TENM1: variants seen among roughly 807,000 people sequenced by gnomAD.
TENM1 encodes teneurin-1.
In TENM1, 35 loss-of-function variants were observed where a neutral mutation model predicts 174.8. The observed-to-expected ratio is 0.20, with a 90% CI of 0.15 to 0.27. The LOEUF is 0.27. Ranked by LOEUF, TENM1 falls within the 10% of genes least tolerant of loss-of-function variation. TENM1 has a pLI of 1.00. For missense variants in TENM1, 1,633 were observed against 2,130.1 expected (o/e 0.77, Z 4.59); for synonymous variants, 781 against 798.7 (o/e 0.98, Z 0.37).
At chrX:124,547,873 G>C (rs2048466736) in intron 14 of TENM1, among the ~76,000 whole-genome samples, 1 of 112,193 alleles carries the variant, frequency 8.9e-6, no homozygotes, top group African/African-American at 3.2e-5. Context: ...GTCTCTCTCT[G>C]TCGCCCAGGC....
At chrX:124,734,295 C>CA (rs1339114774) in intron 4 of TENM1, among the ~76,000 whole-genome samples, 5 of 110,537 alleles carry the variant, frequency 4.5e-5, no homozygotes, top group Non-Finnish European at 9.5e-5. Flanking sequence ...ACTAAAAATA[C>CA]AAAAATTAGC....
chrX:125,042,326 C>A, the TENM1 span, among the ~76,000 whole-genome samples: 2 of 111,287 alleles, frequency 1.8e-5, no homozygotes, highest in Admixed American at 9.6e-5. Flanking sequence ...CTTTGAAGAG[C>A]TATTTTTCCT....
intron 14 of TENM1, among the ~76,000 whole-genome samples, chrX:124,560,881 G>T (rs941131609): frequency 1.8e-5 from 2 of 111,637 alleles, no homozygotes; most frequent in Non-Finnish European, 3.8e-5. Flanking sequence ...GTGAGGATTT[G>T]TTGTTTTAGG....
intron 11 of TENM1, among the ~76,000 whole-genome samples, chrX:124,627,983 G>A (rs1281238521): frequency 9.0e-6 from 1 of 111,065 alleles, no homozygotes; most frequent in Admixed American, 9.6e-5. Context: ...ATCATCTTGT[G>A]TAGAGCTCTG....
At chrX:124,574,344 C>T (rs1048023111) in intron 11 of TENM1, among the ~76,000 whole-genome samples, 2 of 111,199 alleles carry the variant, frequency 1.8e-5, no homozygotes, top group African/African-American at 6.5e-5. Flanking sequence ...ATTCTTGACC[C>T]CTCTGCCTTC....
At chrX:124,598,440 T>C (rs766885265) in intron 11 of TENM1, among the ~76,000 whole-genome samples, 1 of 111,859 alleles carries the variant, frequency 8.9e-6, no homozygotes, top group South Asian at 3.7e-4. Flanking sequence ...TGCACCCCTA[T>C]GTTTGTTGCA....
At chrX:125,065,008 G>A in the TENM1 span, among the ~76,000 whole-genome samples, 1 of 112,138 alleles carries the variant, frequency 8.9e-6, no homozygotes, top group Non-Finnish European at 1.9e-5. Flanking sequence ...GGCAACAGCA[G>A]GGCTTACAGT....
At chrX:124,439,019 G>A (rs1203244375) in intron 23 of TENM1, among the ~76,000 whole-genome samples, 1 of 110,881 alleles carries the variant, frequency 9.0e-6, no homozygotes, top group African/African-American at 3.3e-5. Context: ...TAGATGTGTT[G>A]GAAACTTGAA....
At chrX:124,636,378 A>G (rs1197883696) in intron 11 of TENM1, among the ~76,000 whole-genome samples, 9 of 111,633 alleles carry the variant, frequency 8.1e-5, no homozygotes, top group Non-Finnish European at 1.1e-4. Flanking sequence ...TCAATCTGCT[A>G]GTTTTATTAG....
the TENM1 span, among the ~76,000 whole-genome samples, chrX:125,094,874 C>T: frequency 2.7e-5 from 3 of 111,972 alleles, no homozygotes; most frequent in Admixed American, 1.9e-4. Context: ...GCCAACTTTT[C>T]GTGGACATTT....
chrX:125,157,193 G>A, the TENM1 span, among the ~76,000 whole-genome samples: 1 of 112,195 alleles, frequency 8.9e-6, no homozygotes, highest in Non-Finnish European at 1.9e-5. Flanking sequence ...ATCTTAATAT[G>A]CAGCCAGAGT....
intron 22 of TENM1, among the ~76,000 whole-genome samples, chrX:124,470,478 T>C (rs765380849): frequency 9.0e-6 from 1 of 111,222 alleles, no homozygotes; most frequent in East Asian, 2.8e-4. Flanking sequence ...CTGGGTGTGT[T>C]TGTGGCAAAG....
the TENM1 span, among the ~76,000 whole-genome samples, chrX:125,105,320 T>A: frequency 3.6e-5 from 4 of 111,048 alleles, no homozygotes; most frequent in Non-Finnish European, 7.6e-5. Flanking sequence ...CATGCAGAAA[T>A]CTCAGATTTC....
At chrX:124,381,441 A>G (rs898419536) in intron 31 of TENM1, 147 bp from the exon 35 acceptor site, 1 of 515,871 alleles carries the variant, frequency 1.9e-6, no homozygotes, top group East Asian at 3.6e-5. Context: ...CAGATTTGGA[A>G]TCTCTTCATC....
chrX:124,646,846 G>C, intron 8 of TENM1, 36 bp from the exon 12 acceptor site: 1 of 960,732 alleles, frequency 1.0e-6, no homozygotes, highest in Non-Finnish European at 1.5e-6. Flanking sequence ...AAAAATGAAC[G>C]CATCTCCAGG....
At chrX:124,423,618 T>C (rs2060679728) in intron 23 of TENM1, among the ~76,000 whole-genome samples, 1 of 110,050 alleles carries the variant, frequency 9.1e-6, no homozygotes. Flanking sequence ...AGGTCTGAAA[T>C]GAACAGTAGG....
At chrX:125,150,547 A>G in the TENM1 span, among the ~76,000 whole-genome samples, 8 of 111,979 alleles carry the variant, frequency 7.1e-5, no homozygotes, top group East Asian at 2.0e-3. Context: ...AACCAGTCAC[A>G]TACCATTAAA....
chrX:125,102,729 A>G, the TENM1 span, among the ~76,000 whole-genome samples: 1 of 112,715 alleles, frequency 8.9e-6, no homozygotes, highest in African/African-American at 3.2e-5. Flanking sequence ...TTAATGTTTC[A>G]AAGAGAATTC....
chrX:124,603,870 T>C (rs944341563), intron 11 of TENM1, among the ~76,000 whole-genome samples: 7 of 111,542 alleles, frequency 6.3e-5, no homozygotes, highest in African/African-American at 2.3e-4. Flanking sequence ...GTACCATACT[T>C]ACCCTAGCCA....
Sources: gnomAD v4.1 joint callset for allele counts (sites outside exome capture counted in the v4.1 genomes callset) on GRCh38, gnomAD v4.1.1 for gene constraint, MANE v1.5 for transcripts, NCBI Gene and HGNC (gene_info 2026-07-23, HGNC 2026-07-21) for gene names.